The following SLC35F4 variants were observed in gnomAD, a reference collection of about 807,000 sequenced individuals.
SLC35F4 encodes solute carrier family 35 member F4, also known as chromosome 14 open reading frame 36.
SLC35F4 carries 24 observed loss-of-function variants against 44.2 expected under a neutral mutation model. The ratio of observed to expected loss-of-function variants is 0.54; its 90% CI spans 0.39 to 0.76. SLC35F4 has a LOEUF of 0.76. SLC35F4 is among the 30% of genes least tolerant of loss of function. The pLI is 0.00. For synonymous variants in SLC35F4, 238 were observed against 223.6 expected, an observed-to-expected ratio of 1.06 and a Z score of -0.57; for missense variants, 562 against 586.1, an observed-to-expected ratio of 0.96 and a Z score of 0.42.
intron 1 of SLC35F4, among the ~76,000 whole-genome samples, chr14:57,950,809 C>G (rs759191647): frequency 4.6e-5 from 7 of 151,922 alleles, no homozygotes; most frequent in African/African-American, 1.7e-4. Flanking sequence ...GCTGGGACTA[C>G]AGGTGCCTGC....
chr14:57,837,407 A>C (rs976958309), intron 1 of SLC35F4: 3 of 152,216 alleles, frequency 2.0e-5, no homozygotes, highest in Non-Finnish European at 4.4e-5. Flanking sequence ...AAATTTCTTG[A>C]AAGTTTGTTT....
intron 1 of SLC35F4, among the ~76,000 whole-genome samples, chr14:57,942,347 G>C (rs192991778): frequency 1.3e-5 from 2 of 152,204 alleles, no homozygotes; most frequent in East Asian, 1.9e-4. Flanking sequence ...TTATACCTAG[G>C]CCCTGATTCT....
chr14:57,801,634 GA>G (rs2078196109), intron 1 of SLC35F4, among the ~76,000 whole-genome samples: 1 of 152,182 alleles, frequency 6.6e-6, no homozygotes, highest in Non-Finnish European at 1.5e-5. Flanking sequence ...AGAGATGGAG[GA>G]AAATTTACCA....
chr14:57,963,688 C>T (rs1029912601), intron 1 of SLC35F4, among the ~76,000 whole-genome samples: 1 of 148,130 alleles, frequency 6.8e-6, no homozygotes, highest in Non-Finnish European at 1.5e-5. Context: ...GCCCACCCAA[C>T]CCCCAGAACA....
At chr14:57,658,572 G>C (rs1171923348) in intron 1 of SLC35F4, among the ~76,000 whole-genome samples, 3 of 152,118 alleles carry the variant, frequency 2.0e-5, no homozygotes, top group African/African-American at 7.2e-5. Context: ...AGGTTCCAAG[G>C]GACTTTCTGA....
At chr14:57,800,591 T>A (rs10147195) in intron 1 of SLC35F4, among the ~76,000 whole-genome samples, 69,530 of 151,920 alleles carry the variant, frequency 0.46, 19,133 homozygotes, top group African/African-American at 0.77. Context: ...GCATGTTGTA[T>A]CCCAATGCAA....
intron 1 of SLC35F4, among the ~76,000 whole-genome samples, chr14:57,611,408 C>A (rs966319138): frequency 6.6e-6 from 1 of 152,024 alleles, no homozygotes; most frequent in Non-Finnish European, 1.5e-5. Flanking sequence ...GAAATAAACT[C>A]TCTAAAGCTG....
At chr14:57,778,302 G>A (rs1170158962) in intron 1 of SLC35F4, among the ~76,000 whole-genome samples, 4 of 152,058 alleles carry the variant, frequency 2.6e-5, no homozygotes, top group Non-Finnish European at 5.9e-5. Flanking sequence ...TCAGCAGCAT[G>A]AGAATGGACT....
intron 1 of SLC35F4, among the ~76,000 whole-genome samples, chr14:57,639,247 C>T (rs191790968): frequency 2.6e-5 from 4 of 152,210 alleles, no homozygotes; most frequent in Admixed American, 1.3e-4. Flanking sequence ...CAAATTATTA[C>T]ACTGCCTGTT....
At chr14:57,567,401 G>A (rs2068259495) in intron 6 of SLC35F4, among the ~76,000 whole-genome samples, 1 of 152,188 alleles carries the variant, frequency 6.6e-6, no homozygotes, top group South Asian at 2.1e-4. Flanking sequence ...ATGACAATGA[G>A]GCAAGCATGT....
At chr14:57,930,458 A>G (rs994808054) in intron 1 of SLC35F4, among the ~76,000 whole-genome samples, 8 of 152,152 alleles carry the variant, frequency 5.3e-5, no homozygotes, top group African/African-American at 1.9e-4. Flanking sequence ...ACCACGTGGA[A>G]ACACCAGGCA....
intron 1 of SLC35F4, among the ~76,000 whole-genome samples, chr14:57,635,637 G>A (rs2072987808): frequency 6.6e-6 from 1 of 152,076 alleles, no homozygotes; most frequent in Admixed American, 6.6e-5. Context: ...GATGAAGCCA[G>A]TAAAGGAGAC....
chr14:57,763,494 A>G lies in SLC35F4; in HGVS notation c.103+102229T>C, dbSNP rs563411554. On this transcript the variant is annotated intron_variant, in intron 1 of 7. Transcript: ENST00000556826. ...ATGTTTATTGGTTTTGTAACTTAAGATTACAAGTTACTCAATCTTTCTTTG... is the reference window on the plus strand; with the variant it reads ...ATGTTTATTGGTTTTGTAACTTAAGGTTACAAGTTACTCAATCTTTCTTTG... Among the ~76,000 whole-genome samples, 256 of 152,278 alleles carry G rather than the reference A, an allele frequency of 1.7e-3. 1 individual carries two copies. Among genetic ancestry groups the G allele is most frequent in the African/African-American group, 5.9e-3 (247 of 41,572 alleles).
At chr14:57,863,033 A>C (rs531837193) in intron 1 of SLC35F4, among the ~76,000 whole-genome samples, 2 of 152,104 alleles carry the variant, frequency 1.3e-5, no homozygotes, top group African/African-American at 4.8e-5. Context: ...TTTTAAAAAA[A>C]ATGTTTAAAT....
intron 1 of SLC35F4, among the ~76,000 whole-genome samples, chr14:57,609,934 C>A (rs2071393257): frequency 6.6e-6 from 1 of 152,186 alleles, no homozygotes; most frequent in Non-Finnish European, 1.5e-5. Flanking sequence ...GCCACATGCT[C>A]CCAGCCTCCA....
chr14:57,780,335 T>A (rs1460179615), intron 1 of SLC35F4, among the ~76,000 whole-genome samples: 2 of 151,926 alleles, frequency 1.3e-5, no homozygotes, highest in Non-Finnish European at 2.9e-5. Context: ...CCATTCACAA[T>A]TGCCACAAAA....
intron 1 of SLC35F4, among the ~76,000 whole-genome samples, chr14:57,801,739 GA>G (rs2078198573): frequency 6.6e-6 from 1 of 152,154 alleles, no homozygotes; most frequent in South Asian, 2.1e-4. Context: ...GGCAAAGAAG[GA>G]AATTACATAA....
At chr14:57,669,437 T>C (rs1672278865) in intron 1 of SLC35F4, among the ~76,000 whole-genome samples, 1 of 152,126 alleles carries the variant, frequency 6.6e-6, no homozygotes, top group African/African-American at 2.4e-5. Flanking sequence ...TTCCAGTTTT[T>C]GCCCATTCAG....
chr14:57,897,825 T>C (rs1357672235), intron 1 of SLC35F4, among the ~76,000 whole-genome samples: 1 of 152,212 alleles, frequency 6.6e-6, no homozygotes, highest in Non-Finnish European at 1.5e-5. Context: ...TGGTATCATC[T>C]ATAAACAGAG....
Sources: allele counts gnomAD v4.1 joint callset (sites outside exome capture counted in the v4.1 genomes callset), GRCh38; gene constraint gnomAD v4.1.1; transcripts MANE v1.5; gene names NCBI Gene and HGNC (gene_info 2026-07-23, HGNC 2026-07-21).